The following RALGPS1 variants were observed in gnomAD, a reference collection of about 807,000 sequenced individuals.
The protein encoded by RALGPS1 is Ral GEF with PH domain and SH3 binding motif 1.
In RALGPS1, 19 loss-of-function variants were observed where a neutral mutation model predicts 78.8. The ratio of observed to expected loss-of-function variants is 0.24; its 90% confidence interval spans 0.17 to 0.35. The LOEUF is 0.35. Ranked by LOEUF, RALGPS1 falls within the 10% of genes least tolerant of loss-of-function variation. The pLI is 1.00. For missense variants in RALGPS1, 454 were observed against 688.3 expected, an observed-to-expected ratio of 0.66 and a Z score of 3.81; for synonymous variants, 228 against 256.3, an observed-to-expected ratio of 0.89 and a Z score of 1.06.
rs983573237 is a variant in RALGPS1 at position 126,983,043 on chromosome 9, TCTC to T, written c.216+5301_216+5303del. Among the ~76,000 whole-genome samples, 15 of 144,174 alleles carry T rather than the reference TCTC, an allele frequency of 1.0e-4. No individual in the cohort carries two copies. In the Admixed American group the frequency reaches 1.1e-3, roughly 10 times the overall value. The allele number at this position is 144,174 out of a possible 152,430, so 94.6% of individuals were successfully genotyped here. A position where few individuals can be genotyped will look rare whatever the true frequency, so the allele number is the denominator to read the frequency against. On this transcript the variant is annotated intron_variant, in intron 4 of 18. Transcript: ENST00000259351. Reference sequence around the variant, plus strand: ...TCTCTGCCTCCCGGGTTCAAACAATTCTCCTGCCTCAGCCTCCCAAGTAGCTGG... The same window carrying T: ...TCTCTGCCTCCCGGGTTCAAACAATTCTGCCTCAGCCTCCCAAGTAGCTGG...
At chr9:126,993,530 G>GT (rs75787809) in intron 4 of RALGPS1, among the ~76,000 whole-genome samples, 620 of 142,260 alleles carry the variant, frequency 4.4e-3, no homozygotes, top group Middle Eastern at 7.3e-3. Flanking sequence ...TCTGTGGAAA[G>GT]TTTTTTTTTT....
chr9:127,152,839 T>A (rs2058498469), intron 8 of RALGPS1, among the ~76,000 whole-genome samples: 1 of 152,182 alleles, frequency 6.6e-6, no homozygotes, highest in Non-Finnish European at 1.5e-5. Flanking sequence ...TTTTCTCAAG[T>A]AACTTCATTG....
At chr9:127,126,963 T>A (rs562124854) in intron 8 of RALGPS1, among the ~76,000 whole-genome samples, 11 of 152,376 alleles carry the variant, frequency 7.2e-5, no homozygotes, top group Non-Finnish European at 8.8e-5. Flanking sequence ...CTGTATTTTC[T>A]TGTCTTCCTC....
intron 4 of RALGPS1, among the ~76,000 whole-genome samples, chr9:126,992,748 T>C (rs976446289): frequency 6.6e-6 from 1 of 152,266 alleles, no homozygotes; most frequent in Admixed American, 6.5e-5. Flanking sequence ...GTAGTTTGCA[T>C]TGTATAGGCC....
At chr9:126,960,652 C>G (rs1446006759) in intron 1 of RALGPS1, among the ~76,000 whole-genome samples, 2 of 152,148 alleles carry the variant, frequency 1.3e-5, no homozygotes, top group African/African-American at 4.8e-5. Context: ...TGAGCTACCT[C>G]CAAAGACTGG....
Position 127,183,939 on chromosome 9 carries a change from A to G in RALGPS1, c.910+9157A>G. On this transcript the variant is annotated intron_variant, in intron 11 of 18. Transcript: ENST00000259351. The surrounding 1 kb of genome is among the most constrained non-coding windows in gnomAD (Gnocchi z 4.0). ...AGACTCAAACCCACCTCTGGCCAAC[A>G]CCCTGCCTGGATGTGGCCCAGCTCC... The G allele has an allele frequency of 1.3e-6, 2 of 1,550,290 alleles. No homozygotes were observed. Among genetic ancestry groups the G allele is most frequent in the Non-Finnish European group, 1.7e-6 (2 of 1,146,958 alleles).
At chr9:127,053,666 G>A (rs948082997) in intron 7 of RALGPS1, among the ~76,000 whole-genome samples, 1 of 152,142 alleles carries the variant, frequency 6.6e-6, no homozygotes, top group African/African-American at 2.4e-5. Flanking sequence ...AAAACTGTAT[G>A]GAATTGTCAG....
intron 8 of RALGPS1, among the ~76,000 whole-genome samples, chr9:127,109,788 G>A (rs2054615690): frequency 6.6e-6 from 1 of 152,216 alleles, no homozygotes; most frequent in African/African-American, 2.4e-5. Context: ...ATGCCAGAAA[G>A]CACAACTGTC....
intron 8 of RALGPS1, among the ~76,000 whole-genome samples, chr9:127,082,647 A>G (rs12555503): frequency 0.38 from 57,935 of 152,062 alleles, 12,754 homozygotes; most frequent in Non-Finnish European, 0.48. Context: ...TCGAGTTCAC[A>G]TTCTGAGTGT....
intron 1 of RALGPS1, among the ~76,000 whole-genome samples, chr9:126,925,520 C>G (rs972568169): frequency 3.3e-5 from 5 of 151,164 alleles, no homozygotes; most frequent in Admixed American, 2.0e-4. Context: ...TGCATTCAGG[C>G]CCTGGGAGAC....
intron 8 of RALGPS1, among the ~76,000 whole-genome samples, chr9:127,132,856 A>C (rs1434299266): frequency 6.6e-6 from 1 of 152,202 alleles, no homozygotes; most frequent in Non-Finnish European, 1.5e-5. Flanking sequence ...CATAATCATC[A>C]TCAACATCTT....
chr9:127,045,505 A>G (rs774770931), intron 5 of RALGPS1, among the ~76,000 whole-genome samples: 4 of 152,320 alleles, frequency 2.6e-5, no homozygotes, highest in Non-Finnish European at 4.4e-5. Flanking sequence ...TAAGAAATAG[A>G]TGAATATAAG....
chr9:126,970,951 A>G (rs945002364), intron 3 of RALGPS1, among the ~76,000 whole-genome samples: 3 of 152,236 alleles, frequency 2.0e-5, no homozygotes, highest in Non-Finnish European at 2.9e-5. Context: ...CATGAAGAAC[A>G]TAAATCAGAA....
At chr9:126,915,096 G>C (rs1174356500) in intron 1 of RALGPS1, 121 bp downstream of exon 1, 22 of 146,658 alleles carry the variant, frequency 1.5e-4, no homozygotes, top group Admixed American at 1.1e-3. Flanking sequence ...TGGGGGGCGG[G>C]ACCCCGAGGG....
intron 1 of RALGPS1, among the ~76,000 whole-genome samples, chr9:126,925,208 T>C (rs2035154814): frequency 6.6e-6 from 1 of 151,976 alleles, no homozygotes; most frequent in Non-Finnish European, 1.5e-5. Flanking sequence ...GCTTACAGTC[T>C]AGTAGCAAGG....
At chr9:127,177,819 C>T (rs2059967599) in intron 11 of RALGPS1, 1 of 1,543,204 alleles carries the variant, frequency 6.5e-7, no homozygotes, top group Non-Finnish European at 8.8e-7. Flanking sequence ...TAGGAGCCAG[C>T]CCTGGCCCAG....
chr9:127,116,041 C>T (rs970443929), intron 8 of RALGPS1, among the ~76,000 whole-genome samples: 1 of 152,170 alleles, frequency 6.6e-6, no homozygotes, highest in Non-Finnish European at 1.5e-5. Flanking sequence ...CTCATAAGAC[C>T]ATTGAATGAA....
intron 8 of RALGPS1, among the ~76,000 whole-genome samples, chr9:127,150,006 T>C (rs527689939): frequency 5.6e-4 from 86 of 152,318 alleles, no homozygotes; most frequent in African/African-American, 2.1e-3. Context: ...AGCCATGCCA[T>C]GGATCAGGAC....
At chr9:126,938,347 A>G (rs980142298) in intron 1 of RALGPS1, among the ~76,000 whole-genome samples, 3 of 152,102 alleles carry the variant, frequency 2.0e-5, no homozygotes, top group African/African-American at 7.2e-5. Flanking sequence ...AATACGCTAC[A>G]CCTTTTGAAA....
Sources: gnomAD v4.1 joint callset for allele counts (sites outside exome capture counted in the v4.1 genomes callset) on GRCh38, gnomAD v4.1.1 for gene constraint, Gnocchi (gnomAD v3.1) non-coding constraint, MANE v1.5 for transcripts, NCBI Gene and HGNC (gene_info 2026-07-23, HGNC 2026-07-21) for gene names.